The following LIPH variants were observed in gnomAD, a reference collection of about 807,000 sequenced individuals.
LIPH encodes the protein lipase member H.
LIPH carries 32 observed loss-of-function variants against 47.6 expected under a neutral mutation model. The ratio of observed to expected loss-of-function variants is 0.67; its 90% CI spans 0.51 to 0.90. The LOEUF (loss-of-function observed/expected upper bound fraction) is 0.90, where lower values mean the gene tolerates loss of function less well. Among genes scored for constraint, LIPH ranks in the 40% least tolerant of loss-of-function variants. The probability of loss-of-function intolerance (pLI) is 0.00; values close to 1 mark genes in which losing one functional copy is unlikely to be tolerated. For missense variants in LIPH, 497 were observed against 541.4 expected (o/e 0.92, Z 0.81); for synonymous variants, 190 against 195.6 (o/e 0.97, Z 0.24).
chr3:185,525,722 C>G (rs1158987072), intron 4 of LIPH, among the ~76,000 whole-genome samples: 1 of 152,162 alleles, frequency 6.6e-6, no homozygotes, highest in Non-Finnish European at 1.5e-5. Flanking sequence ...AAAACTATAC[C>G]CTTTCCTTCA....
At chr3:185,513,817 G>A (rs1172019482) in intron 8 of LIPH, among the ~76,000 whole-genome samples, 2 of 152,176 alleles carry the variant, frequency 1.3e-5, no homozygotes, top group Non-Finnish European at 2.9e-5. Context: ...GAGGCGGGCA[G>A]ATCATGAAGT....
At position 185,526,612 on chromosome 3, in the gene LIPH, T is replaced by A. The variant is rs1423693223; in HGVS notation, c.628+872A>T. On this transcript the variant is annotated intron_variant, in intron 4 of 9. Transcript: ENST00000296252. The stretch of plus-strand genomic sequence containing the variant: ...AAATAAAATAAAATAAAATAAAAAA[T>A]AAAATAATAAAATAAAATATAAAAT... Among the ~76,000 whole-genome samples the A allele has an allele frequency of 2.0e-3, 124 of 62,110 alleles. 1 individual carries two copies. The highest frequency in any genetic ancestry group is 5.5e-3 in the African/African-American group (101 of 18,222). The allele number at this position is 62,110 out of a possible 152,430, so 40.7% of individuals were successfully genotyped here. A position where few individuals can be genotyped will look rare whatever the true frequency, so the allele number is the denominator to read the frequency against.
chr3:185,510,449 C>G (rs1719525649), intron 9 of LIPH, among the ~76,000 whole-genome samples: 1 of 152,190 alleles, frequency 6.6e-6, no homozygotes, highest in African/African-American at 2.4e-5. Flanking sequence ...CTCTCTCTTT[C>G]TCTCCCCAAA....
intron 5 of LIPH, among the ~76,000 whole-genome samples, chr3:185,520,185 G>T (rs1719856874): frequency 6.6e-6 from 1 of 152,050 alleles, no homozygotes; most frequent in South Asian, 2.1e-4. Flanking sequence ...CTTTCCCCAG[G>T]TCATGGAGAA....
chr3:185,524,440 C>T lies in LIPH; in HGVS notation c.629-280G>A, dbSNP rs643188. On this transcript the variant is annotated intron_variant, in intron 4 of 9. Coordinates refer to ENST00000296252, the MANE Select transcript of LIPH (RefSeq NM_139248.3). ...CCACTGCAAGGCTAATAAAATGATA[C>T]ATTTCTTCTCTTTTTTTTTTTTTTT... 0.55 allele frequency among the ~76,000 whole-genome samples: 82,795 copies of T among 149,392 alleles called. 23,187 individuals are homozygous for T. The highest frequency in any genetic ancestry group is 0.72 in the South Asian group (3,444 of 4,758).
rs1553823345 is a variant in LIPH, at chr3:185,529,976, A to AG, written c.527-2392_527-2391insC. ...AAAGAAAGAAAGAAGGAAAGAAAGA[A>AG]AGAGAGAGAGAGAGAAAATAAGCAG... On this transcript the variant is annotated intron_variant, in intron 3 of 9. Coordinates refer to ENST00000296252, the MANE Select transcript of LIPH (RefSeq NM_139248.3). Among the ~76,000 whole-genome samples, 63 of 104,978 alleles carry AG rather than the reference A, an allele frequency of 6.0e-4. 1 individual carries two copies. Among genetic ancestry groups the AG allele is most frequent in the Admixed American group, 1.4e-3 (15 of 10,656 alleles). The allele number at this position is 104,978 out of a possible 152,430, so 68.9% of individuals were successfully genotyped here. A position where few individuals can be genotyped will look rare whatever the true frequency, so the allele number is the denominator to read the frequency against.
At chr3:185,524,706 C>T (rs1460601982) in intron 4 of LIPH, among the ~76,000 whole-genome samples, 1 of 152,150 alleles carries the variant, frequency 6.6e-6, no homozygotes, top group Non-Finnish European at 1.5e-5. Flanking sequence ...GCCTCGGCCT[C>T]CCAAAGCGCT....
rs375464481 is a variant in LIPH, at chr3:185,551,050, T to C, written c.49+1373A>G. Among the ~76,000 whole-genome samples the C allele has an allele frequency of 2.0e-4, 31 of 152,198 alleles. No individual in the cohort carries two copies. In the East Asian group the frequency reaches 5.7e-3, roughly 28 times the overall value. On this transcript the variant is annotated intron_variant, in intron 1 of 9. Transcript: ENST00000296252. ...TTAGCCAGGCGCAGTGGCGCACTCC[T>C]GTAGTCCCAGCTATTTGGGAGGCTG...
chr3:185,508,792 A>G lies in LIPH; in HGVS notation c.1354T>C (p.Ter452GlnextTer42). The G allele has an allele frequency of 6.2e-7, 1 of 1,608,310 alleles. No homozygotes were observed. Among genetic ancestry groups the G allele is most frequent in the Non-Finnish European group, 8.5e-7 (1 of 1,174,686 alleles). Residue 452 changes from the stop codon to glutamine, a stop_lost, in exon 10 of 10, where the codon TAA (stop) becomes CAA (glutamine). Coordinates refer to ENST00000296252, the MANE Select transcript of LIPH (RefSeq NM_139248.3). ...QPILCPELQL[*>Q] ...ATGGCCATGTGTCCTGGCAACAGTTACAACTGCAACTCTGGGCAAAGAATA... is the reference window on the plus strand; with the variant it reads ...ATGGCCATGTGTCCTGGCAACAGTTGCAACTGCAACTCTGGGCAAAGAATA...
At chr3:185,552,241 CTT>C (rs11381400) in intron 1 of LIPH, among the ~76,000 whole-genome samples, 180 bp downstream of exon 1, 6,999 of 125,814 alleles carry the variant, frequency 0.056, 270 homozygotes, top group East Asian at 0.28. Context: ...TAACCTGTAT[CTT>C]TTTTTTTTTT....
At chr3:185,511,406 A>C (rs1167205559) in intron 9 of LIPH, 118 bp downstream of exon 9, 1 of 975,770 alleles carries the variant, frequency 1.0e-6, no homozygotes, top group Non-Finnish European at 1.6e-6. Flanking sequence ...TGGAAAACCC[A>C]TCATGTCCCT....
intron 2 of LIPH, 54 bp from the exon 3 acceptor site, chr3:185,533,733 A>G (rs1720413784): frequency 4.4e-6 from 5 of 1,137,978 alleles, no homozygotes; most frequent in Non-Finnish European, 6.7e-6. Flanking sequence ...AGGAATTAAC[A>G]TTTGTAGAAA....
chr3:185,548,705 C>G (rs1036273507), intron 1 of LIPH, among the ~76,000 whole-genome samples: 1 of 151,368 alleles, frequency 6.6e-6, no homozygotes, highest in Admixed American at 6.6e-5. Context: ...CTAGCCTGGG[C>G]GAGACAGAGC....
At chr3:185,524,450 CTTT>C (rs563332434) in intron 4 of LIPH, among the ~76,000 whole-genome samples, 11 of 138,162 alleles carry the variant, frequency 8.0e-5, no homozygotes, top group African/African-American at 5.4e-5. Flanking sequence ...CATTTCTTCT[CTTT>C]TTTTTTTTTT....
intron 4 of LIPH, among the ~76,000 whole-genome samples, chr3:185,526,905 T>A (rs2148954482): frequency 6.6e-6 from 1 of 152,088 alleles, no homozygotes; most frequent in Non-Finnish European, 1.5e-5. Context: ...CTTATCTTCA[T>A]GTTGAAAAAA....
At chr3:185,544,689 T>C (rs1230165008) in intron 1 of LIPH, among the ~76,000 whole-genome samples, 1 of 152,186 alleles carries the variant, frequency 6.6e-6, no homozygotes, top group Non-Finnish European at 1.5e-5. Flanking sequence ...CTTGCATTTT[T>C]TCTGCAACAT....
In LIPH at chr3:185,519,225, T is replaced by C; in HGVS notation, c.803A>G (p.Tyr268Cys). The change falls in exon 6 of 10, where the codon TAT (tyrosine) becomes TGT (cysteine). Residue 268 changes from tyrosine to cysteine, a missense_variant. Coordinates refer to ENST00000296252, the MANE Select transcript of LIPH (RefSeq NM_139248.3). ...ATAATCCTGGTAGGAGTCACAGGGA[T>C]ACGCAGTGATGGTGCAGCTCTCTCT... Reference protein sequence around the residue: ...SLRESCTITAYPCDSYQDYRN... With the variant: ...SLRESCTITACPCDSYQDYRN... The C allele has an allele frequency of 6.2e-7, 1 of 1,611,470 alleles. No homozygotes were observed. Among genetic ancestry groups the C allele is most frequent in the Non-Finnish European group, 8.5e-7 (1 of 1,177,586 alleles).
At chr3:185,532,149 A>G (rs74694564) in intron 3 of LIPH, among the ~76,000 whole-genome samples, 351 of 152,308 alleles carry the variant, frequency 2.3e-3, no homozygotes, top group African/African-American at 8.1e-3. Flanking sequence ...TTTTGCATGC[A>G]ACTTCACGGC....
chr3:185,512,975 A>G (rs1437093637), intron 8 of LIPH, among the ~76,000 whole-genome samples: 1 of 152,190 alleles, frequency 6.6e-6, no homozygotes, highest in East Asian at 1.9e-4. Flanking sequence ...GAAATGGTTG[A>G]TTCCATGGCT....
Sources: gnomAD v4.1 joint callset for allele counts (sites outside exome capture counted in the v4.1 genomes callset) on GRCh38, gnomAD v4.1.1 for gene constraint, MANE v1.5 for transcripts, NCBI Gene and HGNC (gene_info 2026-07-23, HGNC 2026-07-21) for gene names.